Variants in MCC observed in about 807,000 individuals in gnomAD.
The protein encoded by MCC is colorectal mutant cancer protein.
Under a neutral mutation model 116.2 loss-of-function variants are expected in MCC, and 90 were observed. The observed-to-expected ratio is 0.77, with a 90% CI of 0.65 to 0.92. The LOEUF is 0.92. MCC is among the 40% of genes least tolerant of loss of function. The pLI, the probability that MCC is intolerant of heterozygous loss-of-function variation, is 0.00. For missense variants in MCC, 1,516 were observed against 1,312.2 expected (o/e 1.16, Z -2.40); for synonymous variants, 578 against 510.5 (o/e 1.13, Z -1.78).
At chr5:113,294,937 G>T (rs1375151036) in intron 3 of MCC, 3 of 985,538 alleles carry the variant, frequency 3.0e-6, no homozygotes, top group Non-Finnish European at 3.6e-6. Flanking sequence ...GTCTGGAGTT[G>T]TAAGTGGTTT....
At chr5:113,147,035 T>G (rs570365489) in intron 4 of MCC, among the ~76,000 whole-genome samples, 2 of 152,302 alleles carry the variant, frequency 1.3e-5, no homozygotes, top group East Asian at 3.9e-4. Context: ...ATGATTGACA[T>G]TGGATATGAC....
intron 3 of MCC, among the ~76,000 whole-genome samples, chr5:113,160,329 A>T (rs1328912346): frequency 1.3e-5 from 2 of 152,198 alleles, no homozygotes; most frequent in Non-Finnish European, 2.9e-5. Context: ...CCATCTGTAA[A>T]CATATGCTCC....
chr5:113,082,337 C>CT (rs1561791570), intron 11 of MCC, among the ~76,000 whole-genome samples: 1 of 152,228 alleles, frequency 6.6e-6, no homozygotes, highest in Admixed American at 6.5e-5. Flanking sequence ...ATCAGCATGC[C>CT]TGGTCGATGC....
intron 7 of MCC, among the ~76,000 whole-genome samples, chr5:113,103,350 C>T (rs187968767): frequency 1.6e-4 from 24 of 152,290 alleles, no homozygotes; most frequent in Non-Finnish European, 2.1e-4. Context: ...AGGCCCTTGG[C>T]CTCCTCCTTC....
intron 16 of MCC, among the ~76,000 whole-genome samples, chr5:113,044,013 G>A (rs376332035): frequency 1.1e-3 from 167 of 152,194 alleles, no homozygotes; most frequent in African/African-American, 3.7e-3. Flanking sequence ...GAAGTTATGC[G>A]GCCCAGTCAC....
At chr5:113,035,886 T>C (rs1459652950) in intron 17 of MCC, among the ~76,000 whole-genome samples, 1 of 152,210 alleles carries the variant, frequency 6.6e-6, no homozygotes, top group African/African-American at 2.4e-5. Context: ...TGTTTACTTA[T>C]TTTTTAGAAA....
chr5:113,338,910 C>G (rs1363511763), intron 3 of MCC, among the ~76,000 whole-genome samples: 1 of 152,158 alleles, frequency 6.6e-6, no homozygotes, highest in African/African-American at 2.4e-5. Context: ...TTTTATGAGA[C>G]ATTATCATAC....
intron 2 of MCC, among the ~76,000 whole-genome samples, chr5:113,351,659 A>G (rs1251719519): frequency 1.3e-5 from 2 of 152,170 alleles, no homozygotes; most frequent in Non-Finnish European, 2.9e-5. Context: ...TGTACTCAAT[A>G]ATTTAATTGT....
At chr5:113,254,051 G>GA (rs2150345037) in intron 3 of MCC, among the ~76,000 whole-genome samples, 1 of 152,128 alleles carries the variant, frequency 6.6e-6, no homozygotes, top group East Asian at 1.9e-4. Context: ...CAGAATAAAG[G>GA]AAAAAAGATT....
intron 2 of MCC, among the ~76,000 whole-genome samples, chr5:113,352,686 T>TTCCC (rs1768304677): frequency 1.2e-5 from 1 of 86,840 alleles, no homozygotes; most frequent in South Asian, 2.8e-4. Flanking sequence ...GAGAAAGGGT[T>TTCCC]CATGAATGCA....
At chr5:113,150,883 G>A (rs549283941) in intron 4 of MCC, among the ~76,000 whole-genome samples, 8 of 152,234 alleles carry the variant, frequency 5.3e-5, no homozygotes, top group Non-Finnish European at 7.4e-5. Flanking sequence ...ACAACATGGC[G>A]AAACCCCATC....
At position 113,026,555 on chromosome 5, in the gene MCC, A is replaced by G. The variant is rs1469403610; in HGVS notation, c.*747T>C. The G allele has an allele frequency of 6.6e-6, 1 of 152,228 alleles. No homozygotes were observed. The highest frequency in any genetic ancestry group is 1.5e-5 in the Non-Finnish European group (1 of 68,044). The allele number at this position is 152,228 out of a possible 1,614,324, so 9.4% of individuals were successfully genotyped here. ...TTAATAAGGCTCCACTGAGAGGGAG[A>G]AATCCCAGAATCAAGAGAGCGCTCC... On this transcript the variant is annotated 3_prime_UTR_variant, in exon 19 of 19. Transcript: ENST00000408903.
At chr5:113,044,854 G>A (rs192991066) in intron 16 of MCC, among the ~76,000 whole-genome samples, 25 of 152,328 alleles carry the variant, frequency 1.6e-4, no homozygotes, top group Admixed American at 3.3e-4. Flanking sequence ...GATCACAGGC[G>A]TGAGCCACCG....
intron 3 of MCC, among the ~76,000 whole-genome samples, chr5:113,315,602 T>C (rs1244863872): frequency 6.7e-6 from 1 of 148,664 alleles, no homozygotes; most frequent in Non-Finnish European, 1.5e-5. Flanking sequence ...ACGCAGTGGC[T>C]CACATCTGTA....
intron 1 of MCC, among the ~76,000 whole-genome samples, chr5:113,458,327 C>T (rs1396517640): frequency 4.6e-5 from 7 of 151,884 alleles, no homozygotes; most frequent in South Asian, 2.1e-4. Flanking sequence ...AAACTCCAGA[C>T]GTGCCGCCTT....
intron 6 of MCC, among the ~76,000 whole-genome samples, chr5:113,116,205 G>A (rs1757383870): frequency 6.6e-6 from 1 of 152,222 alleles, no homozygotes; most frequent in Admixed American, 6.5e-5. Flanking sequence ...CATGCTAACA[G>A]GAGTGAGAGG....
intron 1 of MCC, among the ~76,000 whole-genome samples, chr5:113,470,524 G>A (rs916435885): frequency 2.6e-5 from 4 of 152,128 alleles, no homozygotes; most frequent in Non-Finnish European, 4.4e-5. Context: ...CTCTCTTCTG[G>A]CTTGTAGAGT....
At chr5:113,364,837 T>C (rs1210801528) in intron 2 of MCC, among the ~76,000 whole-genome samples, 1 of 152,212 alleles carries the variant, frequency 6.6e-6, no homozygotes, top group African/African-American at 2.4e-5. Context: ...GGCTGAGCTC[T>C]ATCTGAGGCC....
At chr5:113,153,287 C>G (rs932627127) in intron 3 of MCC, among the ~76,000 whole-genome samples, 3 of 152,104 alleles carry the variant, frequency 2.0e-5, no homozygotes, top group African/African-American at 7.2e-5. Context: ...CCTCCTACTT[C>G]TGGGGGAAAG....
Sources: gnomAD v4.1 joint callset for allele counts (sites outside exome capture counted in the v4.1 genomes callset) on GRCh38, gnomAD v4.1.1 for gene constraint, MANE v1.5 for transcripts, NCBI Gene and HGNC (gene_info 2026-07-23, HGNC 2026-07-21) for gene names.